Variants in HMGCS1 observed in about 807,000 individuals in gnomAD.
HMGCS1 encodes the protein hydroxymethylglutaryl-CoA synthase, cytoplasmic.
HMGCS1 carries 9 observed loss-of-function variants against 52.3 expected under a neutral mutation model. The observed-to-expected ratio is 0.17, with a 90% CI of 0.10 to 0.30. The LOEUF is 0.30. Ranked by LOEUF, HMGCS1 falls within the 10% of genes least tolerant of loss-of-function variation. HMGCS1 has a pLI of 1.00. For missense variants in HMGCS1, 320 were observed against 620.9 expected (o/e 0.52, Z 5.15); for synonymous variants, 176 against 214.4 (o/e 0.82, Z 1.57).
At chr5:43,305,639 G>C (rs370575770) in intron 2 of HMGCS1, among the ~76,000 whole-genome samples, 17 of 151,680 alleles carry the variant, frequency 1.1e-4, no homozygotes, top group African/African-American at 3.4e-4. Flanking sequence ...TTTTGGTGGC[G>C]GGCAACAGTA....
intron 4 of HMGCS1, 73 bp from the exon 5 acceptor site, chr5:43,297,239 A>G (rs1754076573): frequency 8.0e-7 from 1 of 1,244,942 alleles, no homozygotes; most frequent in African/African-American, 1.5e-5. Context: ...AGTATACTGC[A>G]TTATCTAAGG....
rs1011504343 is a variant in HMGCS1 at position 43,291,427 on chromosome 5, T to TG, written c.1474-208dup. 1.7e-3 allele frequency among the ~76,000 whole-genome samples: 252 copies of TG among 152,108 alleles called. 2 individuals carry two copies. The highest frequency in any genetic ancestry group is 5.7e-3 in the African/African-American group (237 of 41,512). ...TGAATTTAGTATACAATTATCCATA[T>TG]GGGGGGGAGAGGAAGCCTGCCACAG... is the stretch of plus-strand genomic sequence containing the variant. On this transcript the variant is annotated intron_variant, in intron 10 of 10. Coordinates refer to ENST00000325110, the MANE Select transcript of HMGCS1 (RefSeq NM_001098272.3).
At position 43,299,706 on chromosome 5, in the gene HMGCS1, A is replaced by G. The variant is rs1363462722; in HGVS notation, c.-10-731T>C. On this transcript the variant is annotated intron_variant, in intron 2 of 10. Transcript: ENST00000325110. Reference sequence around the variant, plus strand: ...CAATCAATCAATCAATCAATCATGTATTCATCATAGATAAACCAGTCCTCT... The same window carrying G: ...CAATCAATCAATCAATCAATCATGTGTTCATCATAGATAAACCAGTCCTCT... Among the ~76,000 whole-genome samples the G allele has an allele frequency of 2.0e-5, 3 of 152,072 alleles. No individual in the cohort carries two copies. The East Asian group carries it at 5.8e-4, about 29-fold the overall frequency.
intron 2 of HMGCS1, among the ~76,000 whole-genome samples, chr5:43,306,931 A>G (rs1754606132): frequency 2.0e-5 from 3 of 152,342 alleles, no homozygotes; most frequent in South Asian, 4.1e-4. Flanking sequence ...TAACACCCAT[A>G]GGAAATCATA....
intron 2 of HMGCS1, 59 bp from the exon 3 acceptor site, chr5:43,299,034 C>T (rs1754174473): frequency 3.7e-5 from 47 of 1,267,768 alleles, no homozygotes; most frequent in Non-Finnish European, 5.1e-5. Flanking sequence ...TGGTTTTCAA[C>T]TTTGAAATTG....
chr5:43,294,610 T>A, intron 7 of HMGCS1, 81 bp downstream of exon 7: 1 of 1,048,772 alleles, frequency 9.5e-7, no homozygotes, highest in Non-Finnish European at 1.4e-6. Context: ...ACCACCAACA[T>A]GCTTGACACT....
chr5:43,300,050 C>G (rs1754235545), intron 2 of HMGCS1, among the ~76,000 whole-genome samples: 1 of 152,198 alleles, frequency 6.6e-6, no homozygotes, highest in African/African-American at 2.4e-5. Flanking sequence ...AGCTGGAACC[C>G]AGAGACCCAA....
At chr5:43,309,116 AAAT>A (rs1324149785) in intron 1 of HMGCS1, among the ~76,000 whole-genome samples, 4 of 152,088 alleles carry the variant, frequency 2.6e-5, no homozygotes, top group Non-Finnish European at 4.4e-5. Flanking sequence ...AAGACTACTT[AAAT>A]AATAATATTT....
At chr5:43,309,662 T>A (rs943845037) in intron 1 of HMGCS1, among the ~76,000 whole-genome samples, 1 of 152,248 alleles carries the variant, frequency 6.6e-6, no homozygotes, top group Non-Finnish European at 1.5e-5. Context: ...GATTTCTCTA[T>A]TCTGGCTAAA....
intron 2 of HMGCS1, among the ~76,000 whole-genome samples, chr5:43,299,302 A>C (rs970558051): frequency 2.6e-4 from 39 of 152,222 alleles, no homozygotes; most frequent in Admixed American, 2.4e-3. Flanking sequence ...ATAAAATACA[A>C]TGATAATTTA....
At chr5:43,291,888 T>C (rs1579631880) in intron 10 of HMGCS1, among the ~76,000 whole-genome samples, 1 of 151,944 alleles carries the variant, frequency 6.6e-6, no homozygotes, top group East Asian at 1.9e-4. Flanking sequence ...CTCTACTCCA[T>C]CTCTCACAAA....
chr5:43,295,834 G>C lies in HMGCS1; in HGVS notation c.823C>G (p.Leu275Val), dbSNP rs745621465. The change falls in exon 6 of 11, where the codon CTA (leucine) becomes GTA (valine). Residue 275 changes from leucine (L) to valine (V), a missense_variant. Coordinates refer to ENST00000325110, the MANE Select transcript of HMGCS1 (RefSeq NM_001098272.3). ...AAGTCATTCAGCAACATCCGAGCTA[G>C]AGATTTCTGAACCAGTTTACAATAT... Reference protein sequence around the residue: ...SPYCKLVQKSLARMLLNDFLN... With the variant: ...SPYCKLVQKSVARMLLNDFLN... 2 of 1,612,774 alleles carry C rather than the reference G, an allele frequency of 1.2e-6. No homozygotes were observed. The highest frequency in any genetic ancestry group is 1.1e-5 in the South Asian group (1 of 91,042).
chr5:43,295,968 T>C (rs1302498983), intron 5 of HMGCS1, 51 bp from the exon 6 acceptor site: 1 of 1,420,482 alleles, frequency 7.0e-7, no homozygotes, highest in Non-Finnish European at 9.8e-7. Context: ...CCATGAAATT[T>C]TAAAGTTTGA....
rs1561109578 is a variant in HMGCS1 at position 43,292,893 on chromosome 5, C to T, written c.1264G>A (p.Val422Ile). The change falls in exon 9 of 11, where the codon GTC becomes ATC. Residue 422 changes from valine to isoleucine, a missense_variant. Val to Ile is a conservative substitution (Grantham distance 29). Transcript: ENST00000325110. ...CTGAGCTTCATGTTTTCAGCGAAGA[C>T]ATCTGGTGCCACACCAGTTCTTGAA... ...LDSRTGVAPD[V>I]FAENMKLRED... is the part of the protein sequence containing the mutation. 2.5e-6 allele frequency: 4 copies of T among 1,610,396 alleles called. No individual in the cohort carries two copies. The highest frequency in any genetic ancestry group is 1.3e-5 in the African/African-American group (1 of 74,782).
intron 4 of HMGCS1, 67 bp downstream of exon 4, chr5:43,297,942 A>C (rs1266931512): frequency 1.4e-5 from 20 of 1,460,470 alleles, no homozygotes; most frequent in Non-Finnish European, 1.8e-5. Context: ...GACAGCTCCT[A>C]CTTCTATTTT....
chr5:43,303,517 C>T (rs1236818658), intron 2 of HMGCS1, among the ~76,000 whole-genome samples: 1 of 152,174 alleles, frequency 6.6e-6, no homozygotes, highest in Non-Finnish European at 1.5e-5. Context: ...CTGTTTAAAC[C>T]ACCTACTCTA....
chr5:43,303,747 A>G (rs1754432010), intron 2 of HMGCS1, among the ~76,000 whole-genome samples: 2 of 152,332 alleles, frequency 1.3e-5, no homozygotes, highest in East Asian at 1.9e-4. Context: ...ATTACTGGCC[A>G]TATTTTTGTA....
chr5:43,297,235 C>T, intron 4 of HMGCS1, 69 bp from the exon 5 acceptor site: 1 of 1,277,306 alleles, frequency 7.8e-7, no homozygotes, highest in Non-Finnish European at 1.1e-6. Context: ...AATAAGTATA[C>T]TGCATTATCT....
intron 6 of HMGCS1, 108 bp from the exon 7 acceptor site, chr5:43,294,969 C>A: frequency 4.5e-6 from 3 of 659,456 alleles, no homozygotes. Flanking sequence ...TAATTGTTTT[C>A]TCATTTATTA....
Sources: gnomAD v4.1 joint callset for allele counts (sites outside exome capture counted in the v4.1 genomes callset) on GRCh38, gnomAD v4.1.1 for gene constraint, MANE v1.5 for transcripts, NCBI Gene and HGNC (gene_info 2026-07-23, HGNC 2026-07-21) for gene names.